NAA15: variants seen among roughly 807,000 people sequenced by gnomAD.
NAA15 encodes N-terminal acetyltransferase.
In NAA15, 34 loss-of-function variants were observed where a neutral mutation model predicts 114.0. The observed-to-expected ratio is 0.30, with a 90% CI of 0.23 to 0.40. The LOEUF (loss-of-function observed/expected upper bound fraction) is 0.40, where lower values mean the gene tolerates loss of function less well. Ranked by LOEUF, NAA15 falls within the 10% of genes least tolerant of loss-of-function variation. The probability of loss-of-function intolerance (pLI) is 1.00; values close to 1 mark genes in which losing one functional copy is unlikely to be tolerated. For missense variants in NAA15, 658 were observed against 1,004.5 expected (o/e 0.66, Z 4.66); for synonymous variants, 340 against 338.0 (o/e 1.01, Z -0.06).
rs374616061 is a variant in NAA15 at position 139,357,380 on chromosome 4, C to G, written c.1088-6C>G. ...CATCTTGGTTTCTTCTCCCTCTTCTCCTAAGATGATGGAAAGGAGGAACCA... is the reference window on the plus strand; with the variant it reads ...CATCTTGGTTTCTTCTCCCTCTTCTGCTAAGATGATGGAAAGGAGGAACCA... On this transcript the variant is annotated splice_polypyrimidine_tract_variant and splice_region_variant and intron_variant, in intron 10 of 19. Coordinates refer to ENST00000296543, the MANE Select transcript of NAA15 (RefSeq NM_057175.5). 5.3e-5 allele frequency: 86 copies of G among 1,613,248 alleles called. 1 individual carries two copies. In the African/African-American group the frequency reaches 1.0e-3, roughly 19 times the overall value.
At position 139,370,246 on chromosome 4, in the gene NAA15, A is replaced by G; in HGVS notation, c.1789A>G (p.Asn597Asp). The G allele has an allele frequency of 6.4e-7, 1 of 1,565,226 alleles. No individual in the cohort carries two copies. Among genetic ancestry groups the G allele is most frequent in the Non-Finnish European group, 8.6e-7 (1 of 1,162,636 alleles). The change falls in exon 15 of 20, where the codon AAT becomes GAT. Residue 597 changes from asparagine (N) to aspartate (D), a missense_variant. Physicochemically the swap from Asn to Asp is conservative, Grantham distance 23 (BLOSUM62 1). Coordinates refer to ENST00000296543, the MANE Select transcript of NAA15 (RefSeq NM_057175.5). ...TGACAAAGAGCTAAAGAAGCTACGT[A>G]ATAAACAAAGAAGAGCTCAAAAGAA... ...MSDKELKKLR[N>D]KQRRAQKKAQ...
Position 139,378,831 on chromosome 4 carries a change from G to A in NAA15, c.2132G>A (p.Cys711Tyr). The A allele has an allele frequency of 6.4e-7, 1 of 1,557,210 alleles. No individual in the cohort carries two copies. The highest frequency in any genetic ancestry group is 1.2e-5 in the South Asian group (1 of 81,286). Reference sequence around the variant, plus strand: ...TCTAGTCATCCCTGGCTTCATGAGTGTATGATTCGTCTCTTTAATACTGGT... The same window carrying A: ...TCTAGTCATCCCTGGCTTCATGAGTATATGATTCGTCTCTTTAATACTGGT... The part of the protein sequence containing the change: ...IDSSHPWLHE[C>Y]MIRLFNTAVC... The change falls in exon 17 of 20, where the codon TGT becomes TAT. Residue 711 changes from cysteine to tyrosine, a missense_variant. Coordinates refer to ENST00000296543, the MANE Select transcript of NAA15 (RefSeq NM_057175.5).
At chr4:139,331,028 AT>A (rs36064102) in intron 1 of NAA15, among the ~76,000 whole-genome samples, 40,341 of 152,070 alleles carry the variant, frequency 0.27, 5,663 homozygotes, top group African/African-American at 0.35. Context: ...TATGAGCAAA[AT>A]TGTTTAAAAT....
chr4:139,370,341 G>GGAT lies in NAA15; in HGVS notation c.1896_1898dup (p.Asp632dup), dbSNP rs770737196. On this transcript the variant is annotated inframe_insertion, in exon 15 of 20. Coordinates refer to ENST00000296543, the MANE Select transcript of NAA15 (RefSeq NM_057175.5). ...AGCAGAGAAATCAGAAAAAGAAGAA[G>GGAT]GATGATGATGATGAGGAGATAGGAG... is the stretch of plus-strand genomic sequence containing the variant. 5 of 1,594,670 alleles carry GGAT rather than the reference G, an allele frequency of 3.1e-6. No homozygotes were observed. The highest frequency in any genetic ancestry group is 1.7e-5 in the Admixed American group (1 of 57,164).
At chr4:139,384,791 A>T in intron 17 of NAA15, 41 bp from the exon 18 acceptor site, 1 of 1,263,952 alleles carries the variant, frequency 7.9e-7, no homozygotes, top group Non-Finnish European at 1.0e-6. Context: ...AAACTTTATC[A>T]GAGTATTCAA....
At chr4:139,383,645 A>AT (rs1340158891) in intron 17 of NAA15, among the ~76,000 whole-genome samples, 2 of 151,972 alleles carry the variant, frequency 1.3e-5, no homozygotes, top group Non-Finnish European at 2.9e-5. Flanking sequence ...TAATTTTTTT[A>AT]TTTTTAGCAG....
chr4:139,358,525 T>G (rs1205764408), intron 11 of NAA15, among the ~76,000 whole-genome samples: 2 of 152,006 alleles, frequency 1.3e-5, no homozygotes, highest in Non-Finnish European at 2.9e-5. Flanking sequence ...TTTATTTATT[T>G]TTTTTATTAA....
Position 139,314,494 on chromosome 4 carries a change from T to TA in NAA15, c.54+12664dup, listed in dbSNP as rs536622781. 1.9e-3 allele frequency among the ~76,000 whole-genome samples: 292 copies of TA among 152,052 alleles called. 5 individuals are homozygous for TA. Among genetic ancestry groups the TA allele is most frequent in the Non-Finnish European group, 3.5e-3 (240 of 67,978 alleles). ...GAATTTACCTGTACATGATTTAACT[T>TA]AGAGTTGTAGAGATCATATATCCTG... is the stretch of plus-strand genomic sequence containing the variant. On this transcript the variant is annotated intron_variant, in intron 1 of 19. Transcript: ENST00000296543.
intron 1 of NAA15, among the ~76,000 whole-genome samples, chr4:139,321,000 C>A (rs1289516755): frequency 2.0e-5 from 3 of 152,202 alleles, no homozygotes; most frequent in African/African-American, 7.2e-5. Context: ...ATAAGCTATT[C>A]TGTGCTGTGC....
At chr4:139,387,457 G>T (rs1234384760) in intron 19 of NAA15, among the ~76,000 whole-genome samples, 1 of 152,172 alleles carries the variant, frequency 6.6e-6, no homozygotes, top group Non-Finnish European at 1.5e-5. Flanking sequence ...TTTGCTGGCT[G>T]GCTCTAAGCT....
Position 139,301,810 on chromosome 4 carries a change from T to C in NAA15, c.33T>C (p.Asn11=), listed in dbSNP as rs762871197. 23 of 1,593,094 alleles carry C rather than the reference T, an allele frequency of 1.4e-5. No homozygotes were observed. Among genetic ancestry groups the C allele is most frequent in the Non-Finnish European group, 1.9e-5 (22 of 1,169,626 alleles). ...CCGTGAGCCTCCCGCCCAAGGAGAA[T>C]GCGCTCTTCAAGCGGATCTTGGTAA... MPAVSLPPKE[N]ALFKRILRCY... is the part of the protein sequence containing the mutation. Residue 11 remains asparagine, a synonymous_variant, in exon 1 of 20, where the codon AAT becomes AAC. Coordinates refer to ENST00000296543, the MANE Select transcript of NAA15 (RefSeq NM_057175.5).
rs771907364 is a variant in NAA15 at position 139,384,911 on chromosome 4, G to A, written c.2235G>A (p.Thr745=). 9 of 1,563,278 alleles carry A rather than the reference G, an allele frequency of 5.8e-6. No individual in the cohort carries two copies. Among genetic ancestry groups the A allele is most frequent in the South Asian group, 3.7e-5 (3 of 80,900 alleles). Residue 745 remains threonine, a synonymous_variant, in exon 18 of 20, where the codon ACG becomes ACA. Coordinates refer to ENST00000296543, the MANE Select transcript of NAA15 (RefSeq NM_057175.5). ...KQEMNRLFGA[T]NPKNFNETFL... Reference sequence around the variant, plus strand: ...AAATGAATCGTCTTTTTGGAGCAACGAATCCAAAGAATTTTAATGAAACTT... The same window carrying A: ...AAATGAATCGTCTTTTTGGAGCAACAAATCCAAAGAATTTTAATGAAACTT...
intron 1 of NAA15, among the ~76,000 whole-genome samples, chr4:139,333,838 C>T (rs940987280): frequency 4.6e-5 from 7 of 151,980 alleles, no homozygotes; most frequent in South Asian, 2.1e-4. Flanking sequence ...TGGATATGGT[C>T]GCTGTGAGCT....
intron 1 of NAA15, among the ~76,000 whole-genome samples, chr4:139,323,018 G>A (rs940380816): frequency 7.3e-5 from 11 of 151,178 alleles, no homozygotes; most frequent in African/African-American, 2.7e-4. Context: ...GGAGGATGGA[G>A]GATTCCTGTG....
chr4:139,334,874 G>A (rs1272114679), intron 2 of NAA15, among the ~76,000 whole-genome samples: 1 of 152,222 alleles, frequency 6.6e-6, no homozygotes, highest in African/African-American at 2.4e-5. Flanking sequence ...TAGTATTGAA[G>A]AGAAGGGGGA....
chr4:139,317,803 A>G (rs1004234717), intron 1 of NAA15, among the ~76,000 whole-genome samples: 1 of 152,128 alleles, frequency 6.6e-6, no homozygotes, highest in South Asian at 2.1e-4. Context: ...TCTCTCTTCA[A>G]ACTCTCTTGG....
chr4:139,370,082 G>C, intron 14 of NAA15, 129 bp from the exon 15 acceptor site: 1 of 731,982 alleles, frequency 1.4e-6, no homozygotes, highest in Non-Finnish European at 2.0e-6. Context: ...TGGGATTATA[G>C]GCATGAGACG....
intron 1 of NAA15, among the ~76,000 whole-genome samples, chr4:139,311,659 C>A (rs1371457342): frequency 6.6e-6 from 1 of 151,942 alleles, no homozygotes; most frequent in East Asian, 1.9e-4. Flanking sequence ...TGTGAGGAGC[C>A]TGCTGCTGTA....
chr4:139,311,639 A>T (rs904653467), intron 1 of NAA15, among the ~76,000 whole-genome samples: 3 of 151,968 alleles, frequency 2.0e-5, no homozygotes, highest in African/African-American at 7.2e-5. Flanking sequence ...TCAGGATTAA[A>T]TGAGTTTGTT....
Sources: gnomAD v4.1 joint callset for allele counts (sites outside exome capture counted in the v4.1 genomes callset) on GRCh38, gnomAD v4.1.1 for gene constraint, MANE v1.5 for transcripts, NCBI Gene and HGNC (gene_info 2026-07-23, HGNC 2026-07-21) for gene names.